The following IFT74 variants were observed in gnomAD, a reference collection of about 807,000 sequenced individuals.
IFT74 encodes intraflagellar transport protein 74 homolog.
IFT74 carries 92 observed loss-of-function variants against 96.7 expected under a neutral mutation model. The observed-to-expected ratio is 0.95, with a 90% CI of 0.80 to 1.13. The LOEUF (loss-of-function observed/expected upper bound fraction) is 1.13. Among genes scored for constraint, IFT74 ranks in the 50% most tolerant of loss-of-function variants. The pLI is 0.00. For missense variants in IFT74, 811 were observed against 698.2 expected, an observed-to-expected ratio of 1.16 and a Z score of -1.82; for synonymous variants, 223 against 213.2, an observed-to-expected ratio of 1.05 and a Z score of -0.40.
intron 16 of IFT74, among the ~76,000 whole-genome samples, chr9:27,049,482 T>A (rs988843490): frequency 5.9e-5 from 9 of 152,156 alleles, no homozygotes; most frequent in Non-Finnish European, 2.9e-5. Flanking sequence ...GTTTAAATCT[T>A]CTAATGTGGG....
intron 13 of IFT74, among the ~76,000 whole-genome samples, chr9:27,041,920 C>G (rs1403098295): frequency 6.6e-6 from 1 of 152,088 alleles, no homozygotes; most frequent in Non-Finnish European, 1.5e-5. Context: ...GGAGCTCTGT[C>G]CCATCTAATC....
At chr9:26,994,656 C>G (rs1240109803) in intron 8 of IFT74, 19 of 152,280 alleles carry the variant, frequency 1.2e-4, no homozygotes, top group Non-Finnish European at 2.6e-4. Context: ...GTGAATGTCT[C>G]TCTGGAAATT....
intron 2 of IFT74, among the ~76,000 whole-genome samples, chr9:26,966,034 A>G (rs1023666271): frequency 2.0e-5 from 3 of 152,006 alleles, no homozygotes; most frequent in Non-Finnish European, 2.9e-5. Context: ...GTGTGTATAT[A>G]TATGTATATA....
At chr9:26,987,775 A>G (rs191200655) in intron 6 of IFT74, among the ~76,000 whole-genome samples, 168 of 152,332 alleles carry the variant, frequency 1.1e-3, no homozygotes, top group Non-Finnish European at 2.0e-3. Flanking sequence ...CACATATGTA[A>G]TAGTGTTTGA....
At chr9:26,994,052 C>T (rs1236085241) in intron 8 of IFT74, 2 of 151,956 alleles carry the variant, frequency 1.3e-5, no homozygotes, top group Non-Finnish European at 2.9e-5. Context: ...TTCTTTAGAC[C>T]CTTCCTATTA....
At chr9:27,010,767 C>T (rs988774278) in intron 9 of IFT74, among the ~76,000 whole-genome samples, 11 of 151,982 alleles carry the variant, frequency 7.2e-5, no homozygotes, top group African/African-American at 2.4e-4. Context: ...TGTGCCCGGC[C>T]GAGATCCACT....
chr9:27,037,972 C>T (rs1819278674), intron 13 of IFT74, among the ~76,000 whole-genome samples: 1 of 152,344 alleles, frequency 6.6e-6, no homozygotes, highest in African/African-American at 2.4e-5. Flanking sequence ...GCAAGTACTA[C>T]CTCACTGTTT....
intron 16 of IFT74, among the ~76,000 whole-genome samples, chr9:27,054,506 T>C (rs1820072023): frequency 6.6e-6 from 1 of 152,224 alleles, no homozygotes; most frequent in South Asian, 2.1e-4. Context: ...TTGATTGCTA[T>C]TATATCCTCA....
chr9:26,947,974 G>T (rs1825800139), intron 1 of IFT74, among the ~76,000 whole-genome samples: 1 of 152,034 alleles, frequency 6.6e-6, no homozygotes, highest in African/African-American at 2.4e-5. Flanking sequence ...GGGTAAACAT[G>T]ACCTGTCTCC....
At chr9:27,028,483 C>T (rs574078043) in intron 12 of IFT74, among the ~76,000 whole-genome samples, 38 of 152,252 alleles carry the variant, frequency 2.5e-4, no homozygotes, top group Admixed American at 1.9e-3. Flanking sequence ...CTATGCTTGG[C>T]GCAGTGGCTC....
Position 27,055,621 on chromosome 9 carries a change from T to A in IFT74, c.1346T>A (p.Leu449Gln). 6.3e-7 allele frequency: 1 copy of A among 1,576,420 alleles called. No homozygotes were observed. Among genetic ancestry groups the A allele is most frequent in the Non-Finnish European group, 8.6e-7 (1 of 1,167,210 alleles). Residue 449 changes from leucine to glutamine, a missense_variant, in exon 17 of 20, where the codon CTG (leucine) becomes CAG (glutamine). Coordinates refer to ENST00000380062, the MANE Select transcript of IFT74 (RefSeq NM_025103.4). ...TCTTATGTTTCAGACATTCAACGTC[T>A]GCAGTTGGATCTGCAGAAAATGGAG... Reference protein sequence around the residue: ...AQNLTSDIQRLQLDLQKMELL... With the variant: ...AQNLTSDIQRQQLDLQKMELL...
intron 12 of IFT74, among the ~76,000 whole-genome samples, chr9:27,026,831 A>T (rs1000852022): frequency 9.2e-5 from 14 of 152,354 alleles, no homozygotes; most frequent in South Asian, 4.1e-4. Context: ...AGCAGTGCCT[A>T]GAGGAACATT....
At chr9:27,031,762 A>C (rs975812089) in intron 13 of IFT74, among the ~76,000 whole-genome samples, 2 of 148,072 alleles carry the variant, frequency 1.4e-5, no homozygotes, top group African/African-American at 4.9e-5. Flanking sequence ...AAAATAAAAT[A>C]AAATAAAATA....
At chr9:27,043,816 C>T (rs565726695) in intron 13 of IFT74, among the ~76,000 whole-genome samples, 1 of 152,312 alleles carries the variant, frequency 6.6e-6, no homozygotes, top group East Asian at 1.9e-4. Context: ...TAATTCACTA[C>T]TTTCCATCCC....
chr9:26,997,861 G>T, intron 8 of IFT74: 1 of 1,614,116 alleles, frequency 6.2e-7, no homozygotes, highest in Non-Finnish European at 8.5e-7. Context: ...TAATCAAATT[G>T]CCTTGCAGAT....
At chr9:27,052,430 C>T (rs930694775) in intron 16 of IFT74, among the ~76,000 whole-genome samples, 14 of 151,046 alleles carry the variant, frequency 9.3e-5, no homozygotes, top group African/African-American at 3.2e-4. Context: ...ATCACTTGGA[C>T]CCGGGAGGTG....
intron 2 of IFT74, among the ~76,000 whole-genome samples, chr9:26,967,883 A>G (rs1000966470): frequency 6.6e-6 from 1 of 152,154 alleles, no homozygotes; most frequent in African/African-American, 2.4e-5. Context: ...GATTTATCAC[A>G]TTGATTGATT....
At chr9:26,968,723 A>G (rs574987653) in intron 2 of IFT74, among the ~76,000 whole-genome samples, 1 of 152,302 alleles carries the variant, frequency 6.6e-6, no homozygotes, top group East Asian at 1.9e-4. Context: ...AGTGGCCTCT[A>G]ATGATCCTTT....
At chr9:26,947,579 C>A (rs952174529) in intron 1 of IFT74, 2 of 152,954 alleles carry the variant, frequency 1.3e-5, no homozygotes, top group African/African-American at 2.4e-5. Flanking sequence ...CTGGGCATGG[C>A]GGAATGGCTG....
Sources: allele counts gnomAD v4.1 joint callset (sites outside exome capture counted in the v4.1 genomes callset), GRCh38; gene constraint gnomAD v4.1.1; transcripts MANE v1.5; gene names NCBI Gene and HGNC (gene_info 2026-07-23, HGNC 2026-07-21).